JAKMIP1: variants seen among roughly 807,000 people sequenced by gnomAD.
The protein encoded by JAKMIP1 is janus kinase and microtubule interacting protein 1, also known as janus kinase and microtubule-interacting protein 1.
A neutral mutation model predicts 113.0 loss-of-function variants in JAKMIP1; 33 were observed. The ratio of observed to expected loss-of-function variants is 0.29; its 90% CI spans 0.22 to 0.39. The LOEUF is 0.39. JAKMIP1 is among the 10% of genes least tolerant of loss of function. JAKMIP1 has a pLI of 1.00. For missense variants in JAKMIP1, 813 were observed against 1,080.5 expected (o/e 0.75, Z 3.47); for synonymous variants, 480 against 459.9 (o/e 1.04, Z -0.56).
intron 13 of JAKMIP1, among the ~76,000 whole-genome samples, chr4:6,052,994 G>A (rs1292376863): frequency 1.3e-5 from 2 of 152,200 alleles, no homozygotes; most frequent in Non-Finnish European, 2.9e-5. Context: ...CAAGCCGGCA[G>A]GAGAAAACAA....
chr4:6,137,410 C>G lies in JAKMIP1; in HGVS notation c.-147-24413G>C, dbSNP rs1452512333. The stretch of plus-strand genomic sequence containing the variant: ...GGAGTCAGGAAATTCACGGCTCTGG[C>G]CCATGGAACCTTAATCACGTCACAC... On this transcript the variant is annotated intron_variant, in intron 1 of 20. Coordinates refer to ENST00000409021, the MANE Select transcript of JAKMIP1 (RefSeq NM_001099433.2). The surrounding 1 kb of genome is among the most constrained non-coding windows in gnomAD (Gnocchi z 4.5). 6.6e-6 allele frequency among the ~76,000 whole-genome samples: 1 copy of G among 152,212 alleles called. No homozygotes were observed. The highest frequency in any genetic ancestry group is 1.5e-5 in the Non-Finnish European group (1 of 68,034).
At position 6,162,688 on chromosome 4, in the gene JAKMIP1, ACCATCATTATCATCGTTC is replaced by A. The variant is rs1397748342; in HGVS notation, c.-148+37547_-148+37564del. 2.0e-5 allele frequency among the ~76,000 whole-genome samples: 3 copies of A among 152,188 alleles called. No individual in the cohort carries two copies. Among genetic ancestry groups the A allele is most frequent in the Non-Finnish European group, 4.4e-5 (3 of 68,034 alleles). Reference sequence around the variant, plus strand: ...GACAACCTGTTAAGGGCACAGCATTACCATCATTATCATCGTTCCCACTTTACAGGTAATAAAACTGGC... The same window carrying A: ...GACAACCTGTTAAGGGCACAGCATTACCACTTTACAGGTAATAAAACTGGC... On this transcript the variant is annotated intron_variant, in intron 1 of 20. Coordinates refer to ENST00000409021, the MANE Select transcript of JAKMIP1 (RefSeq NM_001099433.2). The surrounding 1 kb of genome is among the most constrained non-coding windows in gnomAD (Gnocchi z 5.6).
rs145670204 is a variant in JAKMIP1, at chr4:6,092,486, G to A, written c.625-6857C>T. ...CCTTCCTGCTCCTCTGGGAATGCAC[G>A]GGGCTTGGCAGAGGTGGGTTTTAAG... is the stretch of plus-strand genomic sequence containing the variant. On this transcript the variant is annotated intron_variant, in intron 3 of 20. Coordinates refer to ENST00000409021, the MANE Select transcript of JAKMIP1 (RefSeq NM_001099433.2). 1.4e-3 allele frequency among the ~76,000 whole-genome samples: 209 copies of A among 152,358 alleles called. 2 individuals are homozygous for A. The Middle Eastern group carries it at 0.02, about 15-fold the overall frequency.
intron 9 of JAKMIP1, among the ~76,000 whole-genome samples, chr4:6,063,144 A>G (rs1717554426): frequency 6.7e-6 from 1 of 148,930 alleles, no homozygotes; most frequent in African/African-American, 2.4e-5. Flanking sequence ...TCCGTCTCCA[A>G]AAAAAAAAAA....
At chr4:6,034,717 G>T (rs957877556) in intron 19 of JAKMIP1, among the ~76,000 whole-genome samples, 3 of 152,172 alleles carry the variant, frequency 2.0e-5, no homozygotes, top group African/African-American at 7.2e-5. Context: ...CAAGAGAATT[G>T]CTTGACCTGG....
At chr4:6,087,370 A>G (rs991863696) in intron 3 of JAKMIP1, among the ~76,000 whole-genome samples, 2 of 152,176 alleles carry the variant, frequency 1.3e-5, no homozygotes, top group African/African-American at 4.8e-5. Flanking sequence ...AACTCTGTCT[A>G]ACTGTTGAGG....
intron 1 of JAKMIP1, among the ~76,000 whole-genome samples, chr4:6,189,450 G>A (rs889228211): frequency 1.3e-5 from 2 of 152,096 alleles, no homozygotes; most frequent in Non-Finnish European, 2.9e-5. Context: ...TTTTTTCAGC[G>A]CAGAGTGGAC....
chr4:6,149,612 G>A (rs945601604), intron 1 of JAKMIP1, among the ~76,000 whole-genome samples: 2 of 152,158 alleles, frequency 1.3e-5, no homozygotes, highest in African/African-American at 4.8e-5. Flanking sequence ...TAAAGAAATA[G>A]GGCAAAAAGT....
chr4:6,169,658 C>A (rs970819571), intron 1 of JAKMIP1, among the ~76,000 whole-genome samples: 3 of 148,150 alleles, frequency 2.0e-5, no homozygotes, highest in African/African-American at 7.5e-5. Flanking sequence ...TTTCAGATGA[C>A]GAAACTGCTG....
intron 8 of JAKMIP1, among the ~76,000 whole-genome samples, chr4:6,077,125 C>T (rs764161035): frequency 8.5e-5 from 13 of 152,236 alleles, no homozygotes; most frequent in East Asian, 1.9e-4. Context: ...AAAGATAGGT[C>T]GAGGTCCTAA....
In JAKMIP1 at chr4:6,116,091, G is replaced by A. The variant is rs1715730079; in HGVS notation, c.-147-3094C>T. Among the ~76,000 whole-genome samples the A allele has an allele frequency of 1.3e-5, 2 of 152,272 alleles. No individual in the cohort carries two copies. Among genetic ancestry groups the A allele is most frequent in the South Asian group, 4.1e-4 (2 of 4,822 alleles). On this transcript the variant is annotated intron_variant, in intron 1 of 20. Coordinates refer to ENST00000409021, the MANE Select transcript of JAKMIP1 (RefSeq NM_001099433.2). The surrounding 1 kb of genome is among the most constrained non-coding windows in gnomAD (Gnocchi z 5.1). ...CAGGCTGGGCCACAGTGAGTGTGGA[G>A]ACGAATGGAGTGCAGGAGGGGAAGA...
At chr4:6,105,401 C>A in intron 3 of JAKMIP1, 72 bp downstream of exon 3, 2 of 1,427,300 alleles carry the variant, frequency 1.4e-6, no homozygotes, top group South Asian at 1.3e-5. Flanking sequence ...GTCCTCGGAG[C>A]TCCGCATTTC....
intron 8 of JAKMIP1, chr4:6,070,236 T>A (rs1718767308): frequency 2.5e-6 from 1 of 397,380 alleles, no homozygotes; most frequent in East Asian, 3.6e-5. Flanking sequence ...GGCATCCATT[T>A]TCAGGGCTTC....
intron 1 of JAKMIP1, among the ~76,000 whole-genome samples, chr4:6,190,202 TG>T (rs35029408): frequency 0.46 from 69,285 of 151,666 alleles, 16,214 homozygotes; most frequent in African/African-American, 0.55. Flanking sequence ...GAGCAGGCCA[TG>T]GGGGGGGCTG....
intron 1 of JAKMIP1, among the ~76,000 whole-genome samples, chr4:6,174,947 T>C (rs1457738408): frequency 1.3e-5 from 2 of 152,188 alleles, no homozygotes; most frequent in African/African-American, 4.8e-5. Flanking sequence ...CCCGTGTCTC[T>C]TGATCTTGGT....
rs1034130522 is a variant in JAKMIP1, at chr4:6,192,198, G to C, written c.-148+8055C>G. Among the ~76,000 whole-genome samples, 3 of 152,144 alleles carry C rather than the reference G, an allele frequency of 2.0e-5. No homozygotes were observed. The highest frequency in any genetic ancestry group is 7.2e-5 in the African/African-American group (3 of 41,424). On this transcript the variant is annotated intron_variant, in intron 1 of 20. Transcript: ENST00000409021. This position sits in a 1 kb window ranked among gnomAD's most constrained non-coding sequence, Gnocchi z 5.0. ...TCCACCCTCCTCAGCCTCCCAAAGT[G>C]CTGGGATTACAGGCGTGAGCCACCG... is the stretch of plus-strand genomic sequence containing the variant.
At position 6,116,853 on chromosome 4, in the gene JAKMIP1, A is replaced by G. The variant is rs1715866461; in HGVS notation, c.-147-3856T>C. On this transcript the variant is annotated intron_variant, in intron 1 of 20. Transcript: ENST00000409021. This position sits in a 1 kb window ranked among gnomAD's most constrained non-coding sequence, Gnocchi z 5.1. ...AAGAACAAGTCTACAGGGCACTGTG[A>G]TACACAGCTATCAAATATCACCTGT... is the stretch of plus-strand genomic sequence containing the variant. Among the ~76,000 whole-genome samples, 1 of 152,234 alleles carries G rather than the reference A, an allele frequency of 6.6e-6. No individual in the cohort carries two copies. The highest frequency in any genetic ancestry group is 1.5e-5 in the Non-Finnish European group (1 of 68,030).
chr4:6,054,435 G>T (rs1412411579), intron 12 of JAKMIP1, among the ~76,000 whole-genome samples: 1 of 152,214 alleles, frequency 6.6e-6, no homozygotes, highest in Admixed American at 6.5e-5. Context: ...CTGAATAAAT[G>T]AATGATGGGG....
At position 6,066,859 on chromosome 4, in the gene JAKMIP1, C is replaced by G. The variant is rs550213279; in HGVS notation, c.1303-1851G>C. On this transcript the variant is annotated intron_variant, in intron 8 of 20. Coordinates refer to ENST00000409021, the MANE Select transcript of JAKMIP1 (RefSeq NM_001099433.2). The stretch of plus-strand genomic sequence containing the variant: ...GGCCCTACAGGATCCACCTCCCATC[C>G]TGCCCTGGCATCATCCCTCCCTCTC... Among the ~76,000 whole-genome samples the G allele has an allele frequency of 1.1e-4, 16 of 152,308 alleles. No individual in the cohort carries two copies. The East Asian group carries it at 2.9e-3, about 28-fold the overall frequency.
Sources: gnomAD v4.1 joint callset for allele counts (sites outside exome capture counted in the v4.1 genomes callset) on GRCh38, gnomAD v4.1.1 for gene constraint, Gnocchi (gnomAD v3.1) non-coding constraint, MANE v1.5 for transcripts, NCBI Gene and HGNC (gene_info 2026-07-23, HGNC 2026-07-21) for gene names.